The following SNX3 variants were observed in gnomAD, a reference collection of about 807,000 sequenced individuals.
The protein encoded by SNX3 is sorting nexin-3.
A neutral mutation model predicts 17.7 loss-of-function variants in SNX3; 5 were observed. That is an observed-to-expected ratio of 0.28 (90% CI 0.15 to 0.59). SNX3 has a LOEUF of 0.59. Among genes scored for constraint, SNX3 ranks in the 20% least tolerant of loss-of-function variants. The pLI, the probability that SNX3 is intolerant of heterozygous loss-of-function variation, is 0.88. For missense variants in SNX3, 132 were observed against 206.8 expected (o/e 0.64, Z 2.22); for synonymous variants, 91 against 76.5 (o/e 1.19, Z -0.99).
chr6:108,220,919 T>G (rs217128), intron 2 of SNX3, among the ~76,000 whole-genome samples: 301 of 151,866 alleles, frequency 2.0e-3, no homozygotes, highest in African/African-American at 7.0e-3. Flanking sequence ...AGATGGAGGT[T>G]GCAGTGAGCC....
chr6:108,227,129 T>C (rs1369667052), intron 1 of SNX3, among the ~76,000 whole-genome samples: 5 of 152,210 alleles, frequency 3.3e-5, no homozygotes, highest in African/African-American at 9.7e-5. Context: ...ATTTCACCTA[T>C]TGGCTTTTTA....
At position 108,246,313 on chromosome 6, in the gene SNX3, C is replaced by CTTTTTT. The variant is rs71015538; in HGVS notation, c.162+14441_162+14446dup. Among the ~76,000 whole-genome samples, 93 of 47,984 alleles carry CTTTTTT rather than the reference C, an allele frequency of 1.9e-3. 14 individuals carry two copies. Among genetic ancestry groups the CTTTTTT allele is most frequent in the African/African-American group, 7.4e-3 (83 of 11,148 alleles). 31.5% of individuals were successfully genotyped at this position (47,984 alleles called of 152,430 possible). A position where few individuals can be genotyped will look rare whatever the true frequency, so the allele number is the denominator to read the frequency against. ...AATTCTTAAAAGAGCTTTGAGCATTCTTTTTTTTTTTTTTTTTTTTTTTTT... is the reference window on the plus strand; with the variant it reads ...AATTCTTAAAAGAGCTTTGAGCATTCTTTTTTTTTTTTTTTTTTTTTTTTTTTTTTT... On this transcript the variant is annotated intron_variant, in intron 1 of 3. Coordinates refer to ENST00000230085, the MANE Select transcript of SNX3 (RefSeq NM_003795.6).
At position 108,260,775 on chromosome 6, in the gene SNX3, G is replaced by A. The variant is rs555381389; in HGVS notation, c.147C>T (p.Tyr49=). Reference sequence around the variant, plus strand: ...ACGGCCTCACCTTGACCCTGATTTCGTAAGTGGTGAAGCGGCCCCGGCCGA... The same window carrying A: ...ACGGCCTCACCTTGACCCTGATTTCATAAGTGGTGAAGCGGCCCCGGCCGA... ...VGVGRGRFTT[Y]EIRVKTNLPI... is the part of the protein sequence containing the mutation. The change falls in exon 1 of 4, where the codon TAC becomes TAT. Residue 49 remains tyrosine (Y), a synonymous_variant. Coordinates refer to ENST00000230085, the MANE Select transcript of SNX3 (RefSeq NM_003795.6). 3.1e-5 allele frequency: 50 copies of A among 1,613,902 alleles called. No homozygotes were observed. Among genetic ancestry groups the A allele is most frequent in the Middle Eastern group, 3.3e-4 (2 of 6,062 alleles).
In SNX3 at chr6:108,222,930, G is replaced by A; in HGVS notation, c.258+20C>T. The A allele has an allele frequency of 7.1e-7, 1 of 1,417,502 alleles. No individual in the cohort carries two copies. The highest frequency in any genetic ancestry group is 9.9e-7 in the Non-Finnish European group (1 of 1,007,932). 87.8% of individuals were successfully genotyped at this position (1,417,502 alleles called of 1,614,324 possible). On this transcript the variant is annotated intron_variant, in intron 2 of 3. Transcript: ENST00000230085. ...ACTTGGAATGTTTTGCTTTAAAGTT[G>A]CATCATAAATCATTCTTACCTTGCT...
chr6:108,256,523 G>A lies in SNX3; in HGVS notation c.162+4237C>T, dbSNP rs138853979. Among the ~76,000 whole-genome samples, 447 of 152,332 alleles carry A rather than the reference G, an allele frequency of 2.9e-3. 1 individual carries two copies. Among genetic ancestry groups the A allele is most frequent in the Non-Finnish European group, 4.5e-3 (303 of 68,028 alleles). On this transcript the variant is annotated intron_variant, in intron 1 of 3. Coordinates refer to ENST00000230085, the MANE Select transcript of SNX3 (RefSeq NM_003795.6). Reference sequence around the variant, plus strand: ...TGTGCCTTATCCCATTTAGTCCTAAGAGGTAGGTACTATTATTAGCACACC... The same window carrying A: ...TGTGCCTTATCCCATTTAGTCCTAAAAGGTAGGTACTATTATTAGCACACC...
intron 1 of SNX3, among the ~76,000 whole-genome samples, chr6:108,237,954 C>T (rs1465695251): frequency 2.7e-5 from 4 of 150,478 alleles, no homozygotes; most frequent in East Asian, 2.0e-4. Flanking sequence ...AAAATTAGCC[C>T]GGCATGGTGG....
chr6:108,254,557 T>G (rs1030417930), intron 1 of SNX3, among the ~76,000 whole-genome samples: 1 of 152,194 alleles, frequency 6.6e-6, no homozygotes, highest in Non-Finnish European at 1.5e-5. Flanking sequence ...AAGTTAACTT[T>G]CTTAAACTTC....
intron 3 of SNX3, 27 bp from the exon 4 acceptor site, chr6:108,212,281 C>A: frequency 6.8e-7 from 1 of 1,465,862 alleles, no homozygotes; most frequent in South Asian, 1.2e-5. Context: ...TAAATTTAGT[C>A]CAATATTTTA....
At chr6:108,259,851 T>G (rs554059029) in intron 1 of SNX3, among the ~76,000 whole-genome samples, 1 of 152,336 alleles carries the variant, frequency 6.6e-6, no homozygotes, top group South Asian at 2.1e-4. Flanking sequence ...CGCTTTACAC[T>G]TAACTTTTAA....
At chr6:108,218,154 G>T (rs368001053) in intron 2 of SNX3, among the ~76,000 whole-genome samples, 1 of 152,048 alleles carries the variant, frequency 6.6e-6, no homozygotes, top group South Asian at 2.1e-4. Flanking sequence ...ATCTGATAGG[G>T]AACTCTAAGA....
chr6:108,259,543 T>C (rs983666381), intron 1 of SNX3, among the ~76,000 whole-genome samples: 1 of 152,234 alleles, frequency 6.6e-6, no homozygotes, highest in Non-Finnish European at 1.5e-5. Context: ...ATGATCCACA[T>C]TTTACACATC....
At chr6:108,219,137 G>A (rs551110287) in intron 2 of SNX3, among the ~76,000 whole-genome samples, 1 of 149,872 alleles carries the variant, frequency 6.7e-6, no homozygotes, top group Non-Finnish European at 1.5e-5. Flanking sequence ...GGATCACAAG[G>A]CCAGGAGATC....
intron 1 of SNX3, among the ~76,000 whole-genome samples, chr6:108,226,020 T>A (rs1237361831): frequency 1.6e-5 from 2 of 122,046 alleles, no homozygotes; most frequent in African/African-American, 6.5e-5. Context: ...CACTCCAGCA[T>A]GGGCAACAAA....
chr6:108,216,342 A>G (rs1164042138), intron 2 of SNX3, among the ~76,000 whole-genome samples: 1 of 152,170 alleles, frequency 6.6e-6, no homozygotes, highest in East Asian at 1.9e-4. Context: ...ACTAGACAAC[A>G]TAGCACCCCC....
intron 1 of SNX3, among the ~76,000 whole-genome samples, chr6:108,236,530 C>A (rs1331037338): frequency 6.6e-6 from 1 of 150,750 alleles, no homozygotes; most frequent in Admixed American, 6.6e-5. Flanking sequence ...ACTACAGGCG[C>A]CCGCCACTAC....
At chr6:108,227,904 T>C (rs1775023877) in intron 1 of SNX3, among the ~76,000 whole-genome samples, 1 of 152,086 alleles carries the variant, frequency 6.6e-6, no homozygotes. Flanking sequence ...TTATTTAACT[T>C]TCATAAAATG....
chr6:108,238,103 A>AAT (rs2114740733), intron 1 of SNX3, among the ~76,000 whole-genome samples: 1 of 59,968 alleles, frequency 1.7e-5, no homozygotes, highest in Non-Finnish European at 4.7e-5. Context: ...TCCTGTCTCA[A>AAT]AAAAAAAAAA....
At chr6:108,236,972 T>C (rs1775364785) in intron 1 of SNX3, among the ~76,000 whole-genome samples, 1 of 152,172 alleles carries the variant, frequency 6.6e-6, no homozygotes, top group Non-Finnish European at 1.5e-5. Flanking sequence ...ACAAAGAATG[T>C]TTATTGTTCT....
intron 1 of SNX3, among the ~76,000 whole-genome samples, chr6:108,232,759 C>T (rs934705907): frequency 2.6e-5 from 4 of 152,146 alleles, no homozygotes; most frequent in African/African-American, 7.2e-5. Flanking sequence ...CTGCATTTCT[C>T]CAAATATCTA....
Sources: gnomAD v4.1 joint callset for allele counts (sites outside exome capture counted in the v4.1 genomes callset) on GRCh38, gnomAD v4.1.1 for gene constraint, MANE v1.5 for transcripts, NCBI Gene and HGNC (gene_info 2026-07-23, HGNC 2026-07-21) for gene names.